Variants in LIMCH1 observed in about 807,000 individuals in gnomAD.
LIMCH1 encodes LIM and calponin homology domains-containing protein 1.
In LIMCH1, 113 loss-of-function variants were observed where a neutral mutation model predicts 176.5. The ratio of observed to expected loss-of-function variants is 0.64; its 90% CI spans 0.55 to 0.75. The LOEUF (loss-of-function observed/expected upper bound fraction) is 0.75. Ranked by LOEUF, LIMCH1 falls within the 30% of genes least tolerant of loss-of-function variation. LIMCH1 has a pLI of 0.00. For synonymous variants in LIMCH1, 619 were observed against 645.9 expected (o/e 0.96, Z 0.63); for missense variants, 1,674 against 1,814.9 (o/e 0.92, Z 1.41).
chr4:41,437,207 G>T (rs532463091), intron 1 of LIMCH1, among the ~76,000 whole-genome samples: 4 of 152,224 alleles, frequency 2.6e-5, no homozygotes, highest in Non-Finnish European at 4.4e-5. Context: ...AAGGGATACA[G>T]AAAAACTATT....
At chr4:41,492,394 G>A (rs1019795776) in intron 1 of LIMCH1, among the ~76,000 whole-genome samples, 4 of 142,644 alleles carry the variant, frequency 2.8e-5, no homozygotes, top group African/African-American at 7.6e-5. Context: ...GAGGGAGACC[G>A]TAGAAAGAGG....
chr4:41,663,053 C>G, intron 20 of LIMCH1, 69 bp downstream of exon 20: 2 of 1,399,078 alleles, frequency 1.4e-6, no homozygotes, highest in Non-Finnish European at 2.0e-6. Flanking sequence ...CAGCTAGCTG[C>G]TGCTGTGGCA....
At chr4:41,652,768 C>T (rs539971518) in intron 18 of LIMCH1, among the ~76,000 whole-genome samples, 57 of 152,250 alleles carry the variant, frequency 3.7e-4, no homozygotes, top group African/African-American at 8.4e-4. Flanking sequence ...CAAAATTACA[C>T]GATCTGAAAG....
intron 5 of LIMCH1, among the ~76,000 whole-genome samples, chr4:41,616,352 A>C (rs972519280): frequency 1.3e-5 from 2 of 151,944 alleles, no homozygotes; most frequent in Admixed American, 1.3e-4. Flanking sequence ...ACCTGGTGAA[A>C]CCCCATCTCT....
At chr4:41,559,021 G>A (rs1279335073) in intron 1 of LIMCH1, among the ~76,000 whole-genome samples, 2 of 152,136 alleles carry the variant, frequency 1.3e-5, no homozygotes, top group African/African-American at 2.4e-5. Flanking sequence ...TTATCCAAAA[G>A]AGCATTGTCT....
intron 1 of LIMCH1, among the ~76,000 whole-genome samples, chr4:41,555,590 G>C (rs2081125572): frequency 6.6e-6 from 1 of 152,136 alleles, no homozygotes; most frequent in Non-Finnish European, 1.5e-5. Context: ...ACTGGAAATT[G>C]ATCAGCAGGC....
chr4:41,462,459 C>A (rs955173428), intron 1 of LIMCH1, among the ~76,000 whole-genome samples: 2 of 152,040 alleles, frequency 1.3e-5, no homozygotes, highest in Admixed American at 6.6e-5. Flanking sequence ...GAAAAAAGTT[C>A]TAACATCATG....
chr4:41,384,504 G>A (rs570217737), intron 1 of LIMCH1, among the ~76,000 whole-genome samples: 19 of 152,206 alleles, frequency 1.2e-4, no homozygotes, highest in Non-Finnish European at 2.5e-4. Context: ...CACCGCGCCC[G>A]GCCTACATCG....
At chr4:41,653,077 T>C (rs2094355101) in intron 18 of LIMCH1, among the ~76,000 whole-genome samples, 2 of 152,192 alleles carry the variant, frequency 1.3e-5, no homozygotes, top group South Asian at 4.1e-4. Context: ...ACTTTCTGTG[T>C]GGGAAAATCT....
At chr4:41,426,672 A>G (rs974662074) in intron 1 of LIMCH1, among the ~76,000 whole-genome samples, 1 of 151,856 alleles carries the variant, frequency 6.6e-6, no homozygotes, top group African/African-American at 2.4e-5. Context: ...CCTACCAGGG[A>G]CTCTCCCTTT....
intron 1 of LIMCH1, among the ~76,000 whole-genome samples, chr4:41,454,085 G>A (rs1211990489): frequency 6.6e-6 from 1 of 151,954 alleles, no homozygotes; most frequent in Non-Finnish European, 1.5e-5. Flanking sequence ...CAATCTCCCT[G>A]TGCCCTGTTA....
chr4:41,639,427 C>G (rs1239136045), intron 14 of LIMCH1, among the ~76,000 whole-genome samples: 1 of 152,132 alleles, frequency 6.6e-6, no homozygotes, highest in East Asian at 1.9e-4. Flanking sequence ...AGCCCAAGTT[C>G]CTCCCAGGTT....
At chr4:41,676,089 C>G (rs2095209565) in intron 22 of LIMCH1, among the ~76,000 whole-genome samples, 1 of 152,224 alleles carries the variant, frequency 6.6e-6, no homozygotes, top group Non-Finnish European at 1.5e-5. Flanking sequence ...TAAGAGAAAT[C>G]ACTTCTAAGA....
At chr4:41,644,473 T>A (rs2093976709) in intron 14 of LIMCH1, 27 bp from the exon 15 acceptor site, 1 of 1,497,184 alleles carries the variant, frequency 6.7e-7, no homozygotes, top group Admixed American at 2.3e-5. Flanking sequence ...TCGCGGTCCC[T>A]CTTGTGTTCG....
intron 1 of LIMCH1, among the ~76,000 whole-genome samples, chr4:41,422,369 G>A (rs2060680333): frequency 6.6e-6 from 1 of 151,988 alleles, no homozygotes; most frequent in Non-Finnish European, 1.5e-5. Flanking sequence ...TGAATTTTTA[G>A]TAGTGACGAG....
chr4:41,521,471 TCTTAA>T (rs2076110760), intron 2 of LIMCH1, among the ~76,000 whole-genome samples: 1 of 152,188 alleles, frequency 6.6e-6, no homozygotes, highest in African/African-American at 2.4e-5. Flanking sequence ...AATATTTATA[TCTTAA>T]CTTATATAGG....
chr4:41,697,459 G>A lies in LIMCH1; in HGVS notation c.*274G>A. 2 of 402,000 alleles carry A rather than the reference G, an allele frequency of 5.0e-6. No individual in the cohort carries two copies. Among genetic ancestry groups the A allele is most frequent in the Non-Finnish European group, 8.8e-6 (2 of 226,510 alleles). The allele number at this position is 402,000 out of a possible 1,614,324, so 24.9% of individuals were successfully genotyped here. ...AATAGCTCAAAAAAGGTTTTAGCAT[G>A]GTCAAACAGGCTTATGGTTTAAAAT... is the stretch of plus-strand genomic sequence containing the variant. On this transcript the variant is annotated 3_prime_UTR_variant, in exon 32 of 32. Transcript: ENST00000503057.
At chr4:41,552,230 T>C (rs899968157) in intron 1 of LIMCH1, among the ~76,000 whole-genome samples, 1 of 152,106 alleles carries the variant, frequency 6.6e-6, no homozygotes, top group Non-Finnish European at 1.5e-5. Context: ...GGAGCTACAA[T>C]TGAAGATGAG....
intron 1 of LIMCH1, among the ~76,000 whole-genome samples, chr4:41,370,717 A>C (rs901126192): frequency 6.6e-6 from 1 of 152,174 alleles, no homozygotes; most frequent in Non-Finnish European, 1.5e-5. Context: ...TGCCAAATAA[A>C]AATAACAGCA....
Sources: allele counts gnomAD v4.1 joint callset (sites outside exome capture counted in the v4.1 genomes callset), GRCh38; gene constraint gnomAD v4.1.1; transcripts MANE v1.5; gene names NCBI Gene and HGNC (gene_info 2026-07-23, HGNC 2026-07-21).